Variants in SPTLC2 observed in about 807,000 individuals in gnomAD.
The protein encoded by SPTLC2 is serine palmitoyltransferase 2.
In SPTLC2, 21 loss-of-function variants were observed where a neutral mutation model predicts 62.0. The ratio of observed to expected loss-of-function variants is 0.34; its 90% CI spans 0.24 to 0.49. The LOEUF (loss-of-function observed/expected upper bound fraction) is 0.49, where lower values mean the gene tolerates loss of function less well. SPTLC2 is among the 20% of genes least tolerant of loss of function. The pLI is 0.99. For missense variants in SPTLC2, 511 were observed against 713.0 expected, an observed-to-expected ratio of 0.72 and a Z score of 3.23; for synonymous variants, 261 against 261.8, an observed-to-expected ratio of 1.00 and a Z score of 0.03.
At chr14:77,523,746 G>A (rs1476884804) in intron 9 of SPTLC2, among the ~76,000 whole-genome samples, 1 of 152,114 alleles carries the variant, frequency 6.6e-6, no homozygotes, top group East Asian at 1.9e-4. Context: ...CTTAGTAGTG[G>A]AGATAAATGA....
intron 11 of SPTLC2, among the ~76,000 whole-genome samples, chr14:77,515,717 T>G (rs1451201349): frequency 6.6e-6 from 1 of 151,920 alleles, no homozygotes; most frequent in African/African-American, 2.4e-5. Flanking sequence ...GCCTGGCTAA[T>G]TTTTTGTATT....
In SPTLC2 at chr14:77,585,823, C is replaced by A. The variant is rs187180080; in HGVS notation, c.328-6714G>T. ...TCACAGATTACTTTTAAATGCCATA[C>A]TTATTTTAAAAACTTTCTCACTAGG... On this transcript the variant is annotated intron_variant, in intron 2 of 11. Transcript: ENST00000216484. Among the ~76,000 whole-genome samples the A allele has an allele frequency of 3.5e-3, 529 of 152,302 alleles. 1 individual carries two copies. Among genetic ancestry groups the A allele is most frequent in the Non-Finnish European group, 5.9e-3 (401 of 68,032 alleles).
In SPTLC2 at chr14:77,518,077, A is replaced by G. The variant is rs969206442; in HGVS notation, c.1530T>C (p.Phe510=). Residue 510 remains phenylalanine, a synonymous_variant, in exon 11 of 12, where the codon TTT becomes TTC. Coordinates refer to ENST00000216484, the MANE Select transcript of SPTLC2 (RefSeq NM_004863.4). ...CTTTGGTATGAGCTGCTGACAGGCA[A>G]AACCTGGCTCTGGACTCAATAATTG... ...ATPIIESRAR[F]CLSAAHTKEI... is the part of the protein sequence containing the mutation. The G allele has an allele frequency of 2.5e-6, 4 of 1,614,082 alleles. No individual in the cohort carries two copies. Among genetic ancestry groups the G allele is most frequent in the Non-Finnish European group, 3.4e-6 (4 of 1,180,054 alleles).
At chr14:77,534,377 C>T (rs2079457953) in intron 9 of SPTLC2, among the ~76,000 whole-genome samples, 1 of 151,942 alleles carries the variant, frequency 6.6e-6, no homozygotes, top group Non-Finnish European at 1.5e-5. Flanking sequence ...TTGATAAATT[C>T]ACCAAATAAG....
chr14:77,542,387 A>C (rs1373366011), intron 9 of SPTLC2, among the ~76,000 whole-genome samples: 1 of 152,244 alleles, frequency 6.6e-6, no homozygotes, highest in Non-Finnish European at 1.5e-5. Context: ...TCTTTCTGTT[A>C]AGAAAAGGAA....
At chr14:77,573,198 G>T (rs7145619) in intron 4 of SPTLC2, among the ~76,000 whole-genome samples, 45,848 of 151,860 alleles carry the variant, frequency 0.3, 7,570 homozygotes, top group Non-Finnish European at 0.36. Context: ...TAGGGGGAGC[G>T]GGGGAGATGA....
intron 6 of SPTLC2, among the ~76,000 whole-genome samples, chr14:77,561,892 T>G (rs1253206473): frequency 6.6e-6 from 1 of 152,222 alleles, no homozygotes; most frequent in African/African-American, 2.4e-5. Context: ...GTTACGCATT[T>G]TTATTCTAAA....
rs536946915 is a variant in SPTLC2, at chr14:77,506,943, C to G, written c.*5341G>C. On this transcript the variant is annotated 3_prime_UTR_variant, in exon 12 of 12. Transcript: ENST00000216484. ...TAAAAGCCATTGCATTCTTTAGGGT[C>G]AGTTTATTATAACTTATCCTACCAG... The G allele has an allele frequency of 1.3e-5, 2 of 152,302 alleles. No individual in the cohort carries two copies. Among genetic ancestry groups the G allele is most frequent in the East Asian group, 1.9e-4 (1 of 5,188 alleles). 9.4% of individuals were successfully genotyped at this position (152,302 alleles called of 1,614,324 possible). A position where few individuals can be genotyped will look rare whatever the true frequency, so the allele number is the denominator to read the frequency against.
At chr14:77,553,821 A>C (rs922607494) in intron 8 of SPTLC2, among the ~76,000 whole-genome samples, 12 of 151,650 alleles carry the variant, frequency 7.9e-5, no homozygotes, top group African/African-American at 2.9e-4. Flanking sequence ...TAAAAGAATG[A>C]CCTTTTTTTC....
chr14:77,571,583 A>G (rs1430186595), intron 4 of SPTLC2, among the ~76,000 whole-genome samples: 1 of 151,918 alleles, frequency 6.6e-6, no homozygotes, highest in Non-Finnish European at 1.5e-5. Flanking sequence ...TTATATTGGT[A>G]CTCAAATCTT....
chr14:77,567,225 G>A (rs2079650281), intron 5 of SPTLC2, among the ~76,000 whole-genome samples: 1 of 152,138 alleles, frequency 6.6e-6, no homozygotes, highest in African/African-American at 2.4e-5. Flanking sequence ...CAAAGTGCTG[G>A]GATTACAGGC....
At chr14:77,531,128 A>G (rs1179464587) in intron 9 of SPTLC2, among the ~76,000 whole-genome samples, 1 of 152,156 alleles carries the variant, frequency 6.6e-6, no homozygotes, top group Non-Finnish European at 1.5e-5. Context: ...TGCATCTTCC[A>G]AAGAGGGCAC....
rs946392867 is a variant in SPTLC2, at chr14:77,511,530, C to T, written c.*754G>A. ...ATGGGTGCTCTGAAAACAGTAAGTG[C>T]TTTAAAAAGGGGGTGGGACGTGTTA... is the stretch of plus-strand genomic sequence containing the variant. On this transcript the variant is annotated 3_prime_UTR_variant, in exon 12 of 12. Transcript: ENST00000216484. The T allele has an allele frequency of 7.2e-5, 11 of 153,000 alleles. No homozygotes were observed. The highest frequency in any genetic ancestry group is 2.7e-4 in the African/African-American group (11 of 41,426). 9.5% of individuals were successfully genotyped at this position (153,000 alleles called of 1,614,324 possible).
At chr14:77,584,285 C>T (rs920569278) in intron 2 of SPTLC2, among the ~76,000 whole-genome samples, 4 of 152,176 alleles carry the variant, frequency 2.6e-5, no homozygotes, top group Non-Finnish European at 5.9e-5. Context: ...TTGAAGTCCA[C>T]TTTCTAACAA....
intron 1 of SPTLC2, among the ~76,000 whole-genome samples, chr14:77,612,044 C>G (rs1455397631): frequency 6.6e-6 from 1 of 152,158 alleles, no homozygotes; most frequent in Non-Finnish European, 1.5e-5. Context: ...TTATCGGTCA[C>G]AAATTGTGAA....
intron 4 of SPTLC2, among the ~76,000 whole-genome samples, chr14:77,571,942 C>T (rs943832229): frequency 1.4e-5 from 2 of 147,488 alleles, no homozygotes; most frequent in Non-Finnish European, 3.0e-5. Context: ...AGGTGCGGAC[C>T]ACCACGCCTG....
intron 4 of SPTLC2, among the ~76,000 whole-genome samples, chr14:77,571,233 G>A (rs1423502401): frequency 6.6e-6 from 1 of 152,202 alleles, no homozygotes; most frequent in Non-Finnish European, 1.5e-5. Flanking sequence ...CTTCCTGGCA[G>A]GGTGCAGTGG....
At chr14:77,579,741 AC>A (rs2079737430) in intron 2 of SPTLC2, among the ~76,000 whole-genome samples, 1 of 152,086 alleles carries the variant, frequency 6.6e-6, no homozygotes, top group African/African-American at 2.4e-5. Context: ...AAAAACAACA[AC>A]AAAAAAAACC....
intron 9 of SPTLC2, 82 bp downstream of exon 9, chr14:77,552,013 AT>A: frequency 6.4e-7 from 1 of 1,570,744 alleles, no homozygotes; most frequent in South Asian, 1.2e-5. Flanking sequence ...CTGACTATTT[AT>A]TTTAGGAAAA....
Sources: allele counts gnomAD v4.1 joint callset (sites outside exome capture counted in the v4.1 genomes callset), GRCh38; gene constraint gnomAD v4.1.1; transcripts MANE v1.5; gene names NCBI Gene and HGNC (gene_info 2026-07-23, HGNC 2026-07-21).